SGCD: variants seen among roughly 807,000 people sequenced by gnomAD.
SGCD encodes sarcoglycan delta, also known as delta-sarcoglycan.
SGCD carries 18 observed loss-of-function variants against 36.6 expected under a neutral mutation model. The observed-to-expected ratio is 0.49, with a 90% CI of 0.34 to 0.73. SGCD has a LOEUF of 0.73. SGCD is among the 30% of genes least tolerant of loss of function. SGCD has a pLI of 0.01. For missense variants in SGCD, 387 were observed against 346.7 expected, an observed-to-expected ratio of 1.12 and a Z score of -0.92; for synonymous variants, 133 against 130.6, an observed-to-expected ratio of 1.02 and a Z score of -0.12.
At chr5:156,603,734 C>G (rs57188583) in intron 6 of SGCD, among the ~76,000 whole-genome samples, 1 of 151,858 alleles carries the variant, frequency 6.6e-6, no homozygotes, top group African/African-American at 2.4e-5. Flanking sequence ...TAGTTGATTT[C>G]TAGTTTTATA....
intron 7 of SGCD, among the ~76,000 whole-genome samples, chr5:156,746,503 TA>T: frequency 6.6e-6 from 1 of 152,290 alleles, no homozygotes; most frequent in East Asian, 1.9e-4. Context: ...AATACAGAAC[TA>T]AGAGAATTAA....
At chr5:156,443,103 G>A (rs1753568662) in intron 3 of SGCD, among the ~76,000 whole-genome samples, 1 of 152,114 alleles carries the variant, frequency 6.6e-6, no homozygotes. Context: ...TCCTGTCTCA[G>A]CCTCCCGAGT....
At chr5:156,656,774 ACT>A (rs1763699916) in intron 7 of SGCD, among the ~76,000 whole-genome samples, 1 of 152,068 alleles carries the variant, frequency 6.6e-6, no homozygotes, top group Non-Finnish European at 1.5e-5. Flanking sequence ...ATAAGGTATT[ACT>A]CTGTTACTGT....
upstream of SGCD, among the ~76,000 whole-genome samples, chr5:155,868,244 G>T (rs559086510): frequency 5.9e-5 from 9 of 151,806 alleles, no homozygotes; most frequent in Non-Finnish European, 7.4e-5. Context: ...TAGAGACAGG[G>T]TCTTGCCATG....
At chr5:156,402,767 G>A (rs1391259293) in intron 3 of SGCD, among the ~76,000 whole-genome samples, 1 of 152,172 alleles carries the variant, frequency 6.6e-6, no homozygotes, top group Non-Finnish European at 1.5e-5. Flanking sequence ...GCAGGGGAAA[G>A]TCCCCACTGA....
At chr5:156,315,926 A>G (rs1425103761) in intron 3 of SGCD, among the ~76,000 whole-genome samples, 1 of 151,974 alleles carries the variant, frequency 6.6e-6, no homozygotes, top group Non-Finnish European at 1.5e-5. Flanking sequence ...GAGTTCTTAA[A>G]TATTTTGGAT....
chr5:156,030,691 A>T (rs1331248451), intron 1 of SGCD, among the ~76,000 whole-genome samples: 1 of 152,148 alleles, frequency 6.6e-6, no homozygotes, highest in Admixed American at 6.5e-5. Flanking sequence ...CTGAGAAGGA[A>T]GTAGTCATTT....
At chr5:155,774,799 C>G in the SGCD span, among the ~76,000 whole-genome samples, 3 of 152,106 alleles carry the variant, frequency 2.0e-5, no homozygotes, top group African/African-American at 7.2e-5. Context: ...TGCAAAGTCC[C>G]TTTTGTCACA....
At chr5:155,834,709 A>C in the SGCD span, among the ~76,000 whole-genome samples, 1 of 152,060 alleles carries the variant, frequency 6.6e-6, no homozygotes, top group African/African-American at 2.4e-5. Context: ...AGAAAAAGTC[A>C]CCCAGCCTTT....
intron 7 of SGCD, among the ~76,000 whole-genome samples, chr5:156,647,948 T>C (rs1763293928): frequency 6.6e-6 from 1 of 152,150 alleles, no homozygotes; most frequent in African/African-American, 2.4e-5. Context: ...TGGGGTGGTA[T>C]GGTACTAGAA....
chr5:156,089,249 T>C (rs1322326860), intron 1 of SGCD, among the ~76,000 whole-genome samples: 1 of 152,234 alleles, frequency 6.6e-6, no homozygotes. Flanking sequence ...ATGGTTCTAC[T>C]CTGATTTGGA....
chr5:156,071,594 A>G (rs1354581162), intron 1 of SGCD, among the ~76,000 whole-genome samples: 4 of 152,132 alleles, frequency 2.6e-5, no homozygotes, highest in African/African-American at 4.8e-5. Context: ...TTGCTGAAAA[A>G]AATGTATATT....
chr5:156,506,346 C>T (rs1414520017), intron 3 of SGCD, among the ~76,000 whole-genome samples: 1 of 151,530 alleles, frequency 6.6e-6, no homozygotes, highest in African/African-American at 2.4e-5. Context: ...TTTTACTAAA[C>T]ACACACTCAC....
chr5:156,723,889 G>C (rs1755637146), intron 7 of SGCD, among the ~76,000 whole-genome samples: 1 of 151,158 alleles, frequency 6.6e-6, no homozygotes, highest in Non-Finnish European at 1.5e-5. Flanking sequence ...ATGCATGCAT[G>C]CATAATATGA....
intron 1 of SGCD, among the ~76,000 whole-genome samples, chr5:156,083,773 G>GT (rs572912826): frequency 6.9e-4 from 101 of 147,292 alleles, no homozygotes; most frequent in African/African-American, 1.1e-3. Flanking sequence ...TTTAGATCAG[G>GT]TTTTTTTTTT....
At chr5:155,783,041 G>A in the SGCD span, among the ~76,000 whole-genome samples, 5 of 152,130 alleles carry the variant, frequency 3.3e-5, no homozygotes, top group South Asian at 2.1e-4. Context: ...AGAATGACTC[G>A]GTGGAGGGGA....
chr5:156,198,054 T>G (rs1764062117), intron 3 of SGCD, among the ~76,000 whole-genome samples: 1 of 152,138 alleles, frequency 6.6e-6, no homozygotes, highest in South Asian at 2.1e-4. Context: ...CTTATTCCCT[T>G]TGTAAATATA....
At chr5:156,494,875 C>T (rs1756113950) in intron 3 of SGCD, among the ~76,000 whole-genome samples, 1 of 152,098 alleles carries the variant, frequency 6.6e-6, no homozygotes, top group South Asian at 2.1e-4. Context: ...CCTTCCCAGG[C>T]CTGGCTTCCT....
chr5:156,284,858 A>G (rs1426928942), intron 3 of SGCD, among the ~76,000 whole-genome samples: 4 of 152,200 alleles, frequency 2.6e-5, no homozygotes, highest in Non-Finnish European at 5.9e-5. Context: ...AAGGGTATTC[A>G]ATTAGTAAAA....
Sources: allele counts gnomAD v4.1 joint callset (sites outside exome capture counted in the v4.1 genomes callset), GRCh38; gene constraint gnomAD v4.1.1; transcripts MANE v1.5; gene names NCBI Gene and HGNC (gene_info 2026-07-23, HGNC 2026-07-21).